Variants in NFASC observed in about 807,000 individuals in gnomAD.
The protein encoded by NFASC is neurofascin.
NFASC carries 43 observed loss-of-function variants against 147.5 expected under a neutral mutation model. The ratio of observed to expected loss-of-function variants is 0.29; its 90% CI spans 0.23 to 0.38. The LOEUF (loss-of-function observed/expected upper bound fraction) is 0.38. NFASC is among the 10% of genes least tolerant of loss of function. The pLI is 1.00. For synonymous variants in NFASC, 622 were observed against 665.5 expected (o/e 0.93, Z 1.01); for missense variants, 1,320 against 1,689.0 (o/e 0.78, Z 3.83).
At chr1:204,897,182 T>C (rs2083541493) in intron 1 of NFASC, among the ~76,000 whole-genome samples, 1 of 152,146 alleles carries the variant, frequency 6.6e-6, no homozygotes, top group African/African-American at 2.4e-5. Flanking sequence ...TAGCTTGGTC[T>C]AGGCTAGGAT....
chr1:204,955,091 A>T, intron 7 of NFASC, 140 bp downstream of exon 7: 1 of 1,014,844 alleles, frequency 9.9e-7, no homozygotes, highest in Non-Finnish European at 1.5e-6. Flanking sequence ...CAGGCTGAGA[A>T]CACAGGCTCT....
intron 2 of NFASC, among the ~76,000 whole-genome samples, chr1:204,935,743 G>A (rs1384983861): frequency 1.3e-5 from 2 of 152,166 alleles, no homozygotes; most frequent in East Asian, 1.9e-4. Flanking sequence ...AAAGGCTAGC[G>A]TGGGAAGGCT....
intron 3 of NFASC, among the ~76,000 whole-genome samples, chr1:204,945,861 T>C (rs1305470619): frequency 6.6e-6 from 1 of 152,092 alleles, no homozygotes; most frequent in African/African-American, 2.4e-5. Flanking sequence ...GGAAATTGGG[T>C]TATCAGGGAA....
chr1:205,011,801 C>T (rs182936473), intron 28 of NFASC, among the ~76,000 whole-genome samples: 11 of 152,330 alleles, frequency 7.2e-5, no homozygotes, highest in African/African-American at 1.4e-4. Context: ...ACACATAGGC[C>T]GGGCGCGGTG....
At chr1:204,894,484 C>T (rs2083014757) in intron 1 of NFASC, among the ~76,000 whole-genome samples, 1 of 152,172 alleles carries the variant, frequency 6.6e-6, no homozygotes, top group South Asian at 2.1e-4. Context: ...AGTTGTTTTA[C>T]CATTGAGGCA....
chr1:204,841,727 C>T (rs1438516077), intron 1 of NFASC, among the ~76,000 whole-genome samples: 4 of 152,172 alleles, frequency 2.6e-5, no homozygotes, highest in Non-Finnish European at 4.4e-5. Flanking sequence ...ACCCCATGAG[C>T]CTTCCCTAAC....
At chr1:204,990,268 G>A (rs1253557938) in intron 23 of NFASC, 1 of 152,218 alleles carries the variant, frequency 6.6e-6, no homozygotes, top group Non-Finnish European at 1.5e-5. Context: ...ATTAGGGCAG[G>A]GGGACTTAGG....
At chr1:204,943,792 T>G (rs2093529983) in intron 2 of NFASC, among the ~76,000 whole-genome samples, 1 of 152,222 alleles carries the variant, frequency 6.6e-6, no homozygotes, top group Admixed American at 6.5e-5. Flanking sequence ...TCTTACCAGA[T>G]CGGTGCATGG....
In NFASC at chr1:204,957,901, T is replaced by C. The variant is rs1573728274; in HGVS notation, c.706+75T>C. On this transcript the variant is annotated intron_variant, in intron 8 of 29. Transcript: ENST00000339876. ...CTGATCCCACCCAGCCCTAGGTACC[T>C]GAGTCTATAGGGGGAGACTTGTCCT... The C allele has an allele frequency of 5.0e-6, 7 of 1,409,002 alleles. No individual in the cohort carries two copies. The African/African-American group carries it at 5.7e-5, about 11-fold the overall frequency. 87.3% of individuals were successfully genotyped at this position (1,409,002 alleles called of 1,614,324 possible).
Position 204,954,377 on chromosome 1 carries a change from G to A in NFASC, c.405G>A (p.Gln135=), listed in dbSNP as rs370974341. The A allele has an allele frequency of 1.2e-5, 19 of 1,613,850 alleles. No individual in the cohort carries two copies. Among genetic ancestry groups the A allele is most frequent in the Non-Finnish European group, 1.6e-5 (19 of 1,179,952 alleles). ...CCCTGTCCAATAGGATCCGCCTGCA[G>A]GTGTCTAGTGAGTAGCGTGGGGCAG... The part of the protein sequence containing the change: ...GTALSNRIRL[Q]VSKSPLWPKE... Residue 135 remains glutamine (Q), a synonymous_variant, in exon 6 of 30, where the codon CAG becomes CAA. Coordinates refer to ENST00000339876, the MANE Select transcript of NFASC (RefSeq NM_001005388.3). The surrounding 1 kb of genome is among the most constrained non-coding windows in gnomAD (Gnocchi z 5.7).
chr1:204,893,679 C>A (rs2082823915), intron 1 of NFASC, among the ~76,000 whole-genome samples: 1 of 152,208 alleles, frequency 6.6e-6, no homozygotes, highest in African/African-American at 2.4e-5. Context: ...GATGAAGTTG[C>A]ATTGTATTGC....
At chr1:204,971,314 G>A (rs908734647) in intron 11 of NFASC, among the ~76,000 whole-genome samples, 1 of 152,208 alleles carries the variant, frequency 6.6e-6, no homozygotes, top group African/African-American at 2.4e-5. Flanking sequence ...TCCTGCCCAG[G>A]TGGATGGAGT....
intron 1 of NFASC, among the ~76,000 whole-genome samples, chr1:204,874,963 G>A (rs1217421462): frequency 6.6e-6 from 1 of 152,128 alleles, no homozygotes; most frequent in Non-Finnish European, 1.5e-5. Flanking sequence ...GTAACCTAAT[G>A]GAGGCAAATA....
At position 205,015,819 on chromosome 1, in the gene NFASC, G is replaced by A. The variant is rs2096349867; in HGVS notation, c.3492-489G>A. Among the ~76,000 whole-genome samples the A allele has an allele frequency of 6.6e-6, 1 of 152,118 alleles. No homozygotes were observed. The highest frequency in any genetic ancestry group is 1.5e-5 in the Non-Finnish European group (1 of 68,038). On this transcript the variant is annotated intron_variant, in intron 29 of 29. Transcript: ENST00000339876. This position sits in a 1 kb window ranked among gnomAD's most constrained non-coding sequence, Gnocchi z 4.0. ...GTTTGTTCCTTTAAAAGCCTTGCTT[G>A]TTGTCAAGGCGAGAGTGTTTCCCTA... is the stretch of plus-strand genomic sequence containing the variant.
In NFASC at chr1:204,981,812, C is replaced by A; in HGVS notation, c.2262C>A (p.Thr754=). 6.4e-7 allele frequency: 1 copy of A among 1,566,024 alleles called. No individual in the cohort carries two copies. The highest frequency in any genetic ancestry group is 8.7e-7 in the Non-Finnish European group (1 of 1,153,546). Residue 754 remains threonine, a synonymous_variant, in exon 21 of 30, where the codon ACC becomes ACA. Transcript: ENST00000339876. ...CCTCTGCCCAGCCCATGAATGCCAC[C>A]TCGGCCTTTGGCCCCAACCTGCGCT... is the stretch of plus-strand genomic sequence containing the variant. ...MEITWTPMNA[T]SAFGPNLRYI...
chr1:204,876,942 T>C (rs2103147337), intron 1 of NFASC, among the ~76,000 whole-genome samples: 1 of 143,166 alleles, frequency 7.0e-6, no homozygotes, highest in Middle Eastern at 3.7e-3. Flanking sequence ...AGCAGGCACT[T>C]TGATGGAGGG....
At chr1:204,901,678 G>T (rs954724003) in intron 1 of NFASC, among the ~76,000 whole-genome samples, 2 of 152,152 alleles carry the variant, frequency 1.3e-5, no homozygotes, top group African/African-American at 4.8e-5. Context: ...GAGAAATAAG[G>T]CAGTAGCCCG....
chr1:204,976,935 G>T, intron 16 of NFASC, 140 bp downstream of exon 16: 1 of 1,435,702 alleles, frequency 7.0e-7, no homozygotes, highest in South Asian at 1.5e-5. Flanking sequence ...TTCTTGCCTC[G>T]TGATGTCAGG....
rs1452436700 is a variant in NFASC at position 204,954,725 on chromosome 1, TG to T, written c.413-103del. The T allele has an allele frequency of 7.5e-7, 1 of 1,338,054 alleles. No homozygotes were observed. The highest frequency in any genetic ancestry group is 2.3e-5 in the East Asian group (1 of 43,306). The allele number at this position is 1,338,054 out of a possible 1,614,324, so 82.9% of individuals were successfully genotyped here. A position where few individuals can be genotyped will look rare whatever the true frequency, so the allele number is the denominator to read the frequency against. ...CTCTCTTGCTCCCTCCTTCTCCAGG[TG>T]CCCCTTCTGTTTCTCCTCCTTGCAT... is the stretch of plus-strand genomic sequence containing the variant. On this transcript the variant is annotated intron_variant, in intron 6 of 29. Transcript: ENST00000339876. This position sits in a 1 kb window ranked among gnomAD's most constrained non-coding sequence, Gnocchi z 5.7.
Sources: gnomAD v4.1 joint callset for allele counts (sites outside exome capture counted in the v4.1 genomes callset) on GRCh38, gnomAD v4.1.1 for gene constraint, Gnocchi (gnomAD v3.1) non-coding constraint, MANE v1.5 for transcripts, NCBI Gene and HGNC (gene_info 2026-07-23, HGNC 2026-07-21) for gene names.